The following NAALADL2 variants were observed in gnomAD, a reference collection of about 807,000 sequenced individuals.
The protein encoded by NAALADL2 is N-acetylated alpha-linked acidic dipeptidase like 2, also known as inactive N-acetylated-alpha-linked acidic dipeptidase-like protein 2.
Under a neutral mutation model 87.2 loss-of-function variants are expected in NAALADL2, and 76 were observed. The observed-to-expected ratio is 0.87, with a 90% CI of 0.72 to 1.05. The LOEUF (loss-of-function observed/expected upper bound fraction) is 1.05, where lower values mean the gene tolerates loss of function less well. Ranked by LOEUF, NAALADL2 falls within the 50% of genes least tolerant of loss-of-function variation. NAALADL2 has a pLI of 0.00. For missense variants in NAALADL2, 1,089 were observed against 945.8 expected, an observed-to-expected ratio of 1.15 and a Z score of -1.99; for synonymous variants, 354 against 331.0, an observed-to-expected ratio of 1.07 and a Z score of -0.75.
intron 1 of NAALADL2, among the ~76,000 whole-genome samples, chr3:175,043,448 A>G (rs1371446170): frequency 6.6e-6 from 1 of 152,102 alleles, no homozygotes; most frequent in Non-Finnish European, 1.5e-5. Context: ...CACATTTGTC[A>G]GGCTGGCCTC....
At chr3:174,826,490 A>G (rs1211979233) in intron 3 of NAALADL2, among the ~76,000 whole-genome samples, 1 of 152,226 alleles carries the variant, frequency 6.6e-6, no homozygotes, top group African/African-American at 2.4e-5. Flanking sequence ...AATGTTGGCA[A>G]GCTAGCTACT....
intron 3 of NAALADL2, among the ~76,000 whole-genome samples, chr3:174,854,009 TC>T (rs150869204): frequency 0.019 from 2,943 of 152,218 alleles, 100 homozygotes; most frequent in African/African-American, 0.068. Flanking sequence ...TACCACATGG[TC>T]CAGCTATCTC....
chr3:174,899,659 T>G (rs1732066368), intron 1 of NAALADL2, among the ~76,000 whole-genome samples: 1 of 152,168 alleles, frequency 6.6e-6, no homozygotes, highest in African/African-American at 2.4e-5. Flanking sequence ...GTGAGCCAAT[T>G]CCACCTCTTT....
chr3:174,516,724 T>C (rs565561877), intron 1 of NAALADL2, among the ~76,000 whole-genome samples: 2 of 152,142 alleles, frequency 1.3e-5, no homozygotes, highest in East Asian at 3.9e-4. Flanking sequence ...AAATCATAAG[T>C]TAGTTGTGGA....
At chr3:174,805,196 C>G (rs1314986385) in intron 3 of NAALADL2, among the ~76,000 whole-genome samples, 1 of 151,986 alleles carries the variant, frequency 6.6e-6, no homozygotes, top group Non-Finnish European at 1.5e-5. Context: ...AAAGGTAAAA[C>G]CAAGTGGTTG....
At chr3:175,206,397 A>C (rs1036772892) in intron 2 of NAALADL2, among the ~76,000 whole-genome samples, 4 of 150,836 alleles carry the variant, frequency 2.7e-5, no homozygotes, top group Non-Finnish European at 5.9e-5. Context: ...AAATGAATGA[A>C]TTAACAGCAT....
intron 9 of NAALADL2, among the ~76,000 whole-genome samples, chr3:175,558,214 AAAAG>A (rs1258808001): frequency 1.0e-4 from 15 of 146,422 alleles, no homozygotes; most frequent in East Asian, 3.9e-4. Flanking sequence ...AAAAAAAAAA[AAAAG>A]AAAGAAAGAA....
At chr3:175,322,898 A>C (rs1760102439) in intron 4 of NAALADL2, among the ~76,000 whole-genome samples, 1 of 151,296 alleles carries the variant, frequency 6.6e-6, no homozygotes, top group East Asian at 2.0e-4. Flanking sequence ...TGGGACTGTA[A>C]ACTAGTTCAA....
chr3:175,355,170 G>A (rs1169541616), intron 5 of NAALADL2, among the ~76,000 whole-genome samples: 1 of 151,528 alleles, frequency 6.6e-6, no homozygotes, highest in Non-Finnish European at 1.5e-5. Flanking sequence ...CTGGGTTCAA[G>A]CGATTCTCCT....
At chr3:174,905,151 C>A (rs889288967) in intron 1 of NAALADL2, among the ~76,000 whole-genome samples, 3 of 151,618 alleles carry the variant, frequency 2.0e-5, no homozygotes, top group Admixed American at 2.0e-4. Flanking sequence ...TTAATTCTGG[C>A]TTTACCATAA....
intron 2 of NAALADL2, among the ~76,000 whole-genome samples, chr3:174,614,736 GT>G (rs1203706790): frequency 6.6e-6 from 1 of 152,156 alleles, no homozygotes; most frequent in Non-Finnish European, 1.5e-5. Flanking sequence ...TTAAATTGGT[GT>G]TCTTGTGAGG....
intron 7 of NAALADL2, among the ~76,000 whole-genome samples, chr3:175,466,058 T>G (rs375372077): frequency 7.9e-5 from 12 of 152,292 alleles, no homozygotes; most frequent in Middle Eastern, 3.4e-3. Flanking sequence ...GAAATAAGCT[T>G]TCCAAGGTCA....
intron 1 of NAALADL2, among the ~76,000 whole-genome samples, chr3:174,921,805 A>G (rs1231521811): frequency 3.0e-5 from 3 of 100,292 alleles, no homozygotes; most frequent in African/African-American, 1.4e-4. Context: ...ACTCCGTCTC[A>G]AAAAAAAAAA....
intron 5 of NAALADL2, among the ~76,000 whole-genome samples, chr3:175,350,332 A>G (rs576377924): frequency 1.3e-5 from 2 of 152,266 alleles, no homozygotes; most frequent in South Asian, 4.1e-4. Flanking sequence ...TCCTATGTTG[A>G]GGTAGAGAAG....
At chr3:174,503,602 A>G (rs1719035617) in intron 1 of NAALADL2, among the ~76,000 whole-genome samples, 1 of 152,164 alleles carries the variant, frequency 6.6e-6, no homozygotes, top group Middle Eastern at 3.2e-3. Flanking sequence ...ACTACTTAAG[A>G]CTAAAATAGC....
chr3:175,644,179 T>A (rs1729661197), intron 11 of NAALADL2, among the ~76,000 whole-genome samples: 1 of 152,294 alleles, frequency 6.6e-6, no homozygotes, highest in South Asian at 2.1e-4. Flanking sequence ...ATTTATATAC[T>A]CTGGCTATAA....
chr3:174,587,141 T>G (rs1182854752), intron 2 of NAALADL2, among the ~76,000 whole-genome samples: 1 of 152,150 alleles, frequency 6.6e-6, no homozygotes, highest in African/African-American at 2.4e-5. Flanking sequence ...GCTTCATCCA[T>G]GTCCCTACAA....
chr3:175,581,092 C>A (rs1719693866), intron 10 of NAALADL2: 1 of 292,490 alleles, frequency 3.4e-6, no homozygotes, highest in East Asian at 1.1e-4. Flanking sequence ...TTAACCAAGA[C>A]AAAAATATAA....
chr3:174,671,889 C>G (rs1626789), intron 2 of NAALADL2, among the ~76,000 whole-genome samples: 122,828 of 151,810 alleles, frequency 0.81, 49,918 homozygotes, highest in East Asian at 0.93. Context: ...TTCCTACAAG[C>G]TTCTTAGTGA....
Sources: allele counts gnomAD v4.1 joint callset (sites outside exome capture counted in the v4.1 genomes callset), GRCh38; gene constraint gnomAD v4.1.1; transcripts MANE v1.5; gene names NCBI Gene and HGNC (gene_info 2026-07-23, HGNC 2026-07-21).